The following ANTXR2 variants were observed in gnomAD, a reference collection of about 807,000 sequenced individuals.
The protein encoded by ANTXR2 is ANTXR cell adhesion molecule 2.
ANTXR2 carries 44 observed loss-of-function variants against 73.7 expected under a neutral mutation model. The ratio of observed to expected loss-of-function variants is 0.60; its 90% confidence interval spans 0.47 to 0.77. The LOEUF (loss-of-function observed/expected upper bound fraction) is 0.77. Among genes scored for constraint, ANTXR2 ranks in the 30% least tolerant of loss-of-function variants. The pLI is 0.00. For synonymous variants in ANTXR2, 217 were observed against 205.9 expected (o/e 1.05, Z -0.46); for missense variants, 604 against 592.5 (o/e 1.02, Z -0.20).
At chr4:79,961,813 G>T (rs1365043186) in intron 16 of ANTXR2, among the ~76,000 whole-genome samples, 2 of 152,086 alleles carry the variant, frequency 1.3e-5, no homozygotes, top group Non-Finnish European at 2.9e-5. Flanking sequence ...CCAGTGCATT[G>T]AGAAGAGGTA....
Position 80,072,920 on chromosome 4 carries a change from G to C in ANTXR2, c.-360C>G, listed in dbSNP as rs1262329850. 1 of 221,292 alleles carries C rather than the reference G, an allele frequency of 4.5e-6. No individual in the cohort carries two copies. Among genetic ancestry groups the C allele is most frequent in the Non-Finnish European group, 8.4e-6 (1 of 119,684 alleles). The allele number at this position is 221,292 out of a possible 1,614,324, so 13.7% of individuals were successfully genotyped here. Reference sequence around the variant, plus strand: ...TCCGGCCTGGGGCCGAGCCTCCAGCGCCCGCCTCGGACCCGGACCTGGAAC... The same window carrying C: ...TCCGGCCTGGGGCCGAGCCTCCAGCCCCCGCCTCGGACCCGGACCTGGAAC... On this transcript the variant is annotated 5_prime_UTR_variant, in exon 1 of 17. Transcript: ENST00000403729.
intron 16 of ANTXR2, among the ~76,000 whole-genome samples, chr4:79,961,442 G>A (rs1468700826): frequency 6.6e-6 from 1 of 151,556 alleles, no homozygotes; most frequent in African/African-American, 2.4e-5. Context: ...TTTAATTATT[G>A]TTATTTTTTT....
At position 79,989,071 on chromosome 4, in the gene ANTXR2, A is replaced by G. The variant is rs1730340153; in HGVS notation, c.1042-4208T>C. ...GAAGATCTCAAATTAACAAGCTAACATCACACCTAGAGGAACGAGGAAAAC... is the reference window on the plus strand; with the variant it reads ...GAAGATCTCAAATTAACAAGCTAACGTCACACCTAGAGGAACGAGGAAAAC... On this transcript the variant is annotated intron_variant, in intron 12 of 16. Transcript: ENST00000403729. Among the ~76,000 whole-genome samples the G allele has an allele frequency of 2.0e-5, 3 of 152,078 alleles. No individual in the cohort carries two copies. The South Asian group carries it at 6.2e-4, about 32-fold the overall frequency.
Position 80,031,639 on chromosome 4 carries a change from G to A in ANTXR2, c.850C>T (p.Leu284=). The A allele has an allele frequency of 6.6e-7, 1 of 1,524,112 alleles. No individual in the cohort carries two copies. The highest frequency in any genetic ancestry group is 1.4e-5 in the African/African-American group (1 of 69,610). The allele number at this position is 1,524,112 out of a possible 1,614,324, so 94.4% of individuals were successfully genotyped here. The change falls in exon 10 of 17, where the codon CTG becomes TTG. Residue 284 remains leucine (L), a synonymous_variant. Transcript: ENST00000403729. ...AGTACTTACTCTCCAGCTTTATTCAGGATAGGTGCAGGACAAAGCATAGAA... is the reference window on the plus strand; with the variant it reads ...AGTACTTACTCTCCAGCTTTATTCAAGATAGGTGCAGGACAAAGCATAGAA... ...LNSMLCPAPI[L]NKAGETLDVS...
chr4:79,980,648 C>G (rs1445200301), intron 14 of ANTXR2, among the ~76,000 whole-genome samples: 1 of 152,136 alleles, frequency 6.6e-6, no homozygotes, highest in East Asian at 1.9e-4. Context: ...AACAGTTTCA[C>G]ACTGAATTGG....
In ANTXR2 at chr4:80,055,319, G is replaced by A. The variant is rs763674660; in HGVS notation, c.486+41C>T. ...TATACATTCCGAGACACACAGCGAT[G>A]TACAGTGGGGTGTAGAGAACAGTCT... On this transcript the variant is annotated intron_variant, in intron 5 of 16. Coordinates refer to ENST00000403729, the MANE Select transcript of ANTXR2 (RefSeq NM_058172.6). The A allele has an allele frequency of 2.1e-5, 33 of 1,570,034 alleles. No homozygotes were observed. In the East Asian group the frequency reaches 7.2e-4, roughly 34 times the overall value.
At chr4:80,062,156 T>C (rs1734291914) in intron 3 of ANTXR2, among the ~76,000 whole-genome samples, 1 of 152,190 alleles carries the variant, frequency 6.6e-6, no homozygotes, top group South Asian at 2.1e-4. Context: ...AAGGCTTCTG[T>C]GGTCCAGAGT....
In ANTXR2 at chr4:79,995,637, C is replaced by T. The variant is rs576213824; in HGVS notation, c.1042-10774G>A. 9.2e-5 allele frequency among the ~76,000 whole-genome samples: 14 copies of T among 151,948 alleles called. No individual in the cohort carries two copies. In the South Asian group the frequency reaches 2.7e-3, roughly 29 times the overall value. ...TTCCACCAGGTTTTTGCTTCTATGC[C>T]TTTCCATGGATAAATATGGCCATAT... On this transcript the variant is annotated intron_variant, in intron 12 of 16. Coordinates refer to ENST00000403729, the MANE Select transcript of ANTXR2 (RefSeq NM_058172.6).
At chr4:80,062,017 A>G (rs747196268) in intron 3 of ANTXR2, among the ~76,000 whole-genome samples, 12 of 152,182 alleles carry the variant, frequency 7.9e-5, no homozygotes, top group Non-Finnish European at 1.5e-4. Flanking sequence ...TTTTCTAAAG[A>G]CACACATTGC....
chr4:80,039,251 T>G, intron 7 of ANTXR2, among the ~76,000 whole-genome samples: 1 of 152,084 alleles, frequency 6.6e-6, no homozygotes. Context: ...AGAAGAGAAT[T>G]TATGCATTTT....
intron 14 of ANTXR2, among the ~76,000 whole-genome samples, chr4:79,981,304 T>C (rs540390442): frequency 1.3e-3 from 195 of 152,316 alleles, no homozygotes; most frequent in Admixed American, 2.0e-3. Flanking sequence ...AAGTGCCAAC[T>C]TAACAGCATA....
At chr4:80,015,748 G>A (rs993072676) in intron 11 of ANTXR2, among the ~76,000 whole-genome samples, 2 of 144,300 alleles carry the variant, frequency 1.4e-5, no homozygotes, top group Non-Finnish European at 3.0e-5. Flanking sequence ...GGAATATGAG[G>A]AAGGAAAAGA....
chr4:79,922,142 A>C (rs897109357), intron 16 of ANTXR2, among the ~76,000 whole-genome samples: 2 of 152,090 alleles, frequency 1.3e-5, no homozygotes, highest in Non-Finnish European at 2.9e-5. Context: ...AACCTCTAGC[A>C]AACTTGAAAT....
At chr4:80,013,707 T>C (rs1731705082) in intron 11 of ANTXR2, among the ~76,000 whole-genome samples, 1 of 152,208 alleles carries the variant, frequency 6.6e-6, no homozygotes, top group Admixed American at 6.5e-5. Flanking sequence ...TCTTCTATTT[T>C]CAATAGATAT....
chr4:80,060,593 T>C (rs972375643), intron 3 of ANTXR2, among the ~76,000 whole-genome samples: 3 of 152,170 alleles, frequency 2.0e-5, no homozygotes, highest in Non-Finnish European at 2.9e-5. Flanking sequence ...AAAATAGGAA[T>C]ATAAATATCT....
At chr4:80,003,041 C>G (rs1203058353) in intron 12 of ANTXR2, among the ~76,000 whole-genome samples, 1 of 147,920 alleles carries the variant, frequency 6.8e-6, no homozygotes, top group East Asian at 2.1e-4. Flanking sequence ...TACCATTTGA[C>G]CCAGCCATCC....
intron 7 of ANTXR2, among the ~76,000 whole-genome samples, chr4:80,046,371 T>C (rs1344564297): frequency 6.6e-6 from 1 of 151,724 alleles, no homozygotes; most frequent in African/African-American, 2.4e-5. Context: ...GGTTTTGCTG[T>C]TGTCGTTGTT....
intron 16 of ANTXR2, among the ~76,000 whole-genome samples, chr4:79,948,841 C>A (rs555014903): frequency 6.6e-6 from 1 of 152,178 alleles, no homozygotes; most frequent in Admixed American, 6.6e-5. Context: ...TGTAGGTAAC[C>A]TAGATCTTTG....
chr4:79,984,067 C>T, intron 13 of ANTXR2, 97 bp from the exon 14 acceptor site: 1 of 880,820 alleles, frequency 1.1e-6, no homozygotes, highest in Non-Finnish European at 1.7e-6. Flanking sequence ...TGAATTATGT[C>T]ATTACTATGG....
Sources: gnomAD v4.1 joint callset for allele counts (sites outside exome capture counted in the v4.1 genomes callset) on GRCh38, gnomAD v4.1.1 for gene constraint, MANE v1.5 for transcripts, NCBI Gene and HGNC (gene_info 2026-07-23, HGNC 2026-07-21) for gene names.